Variants in KIZ observed in about 807,000 individuals in gnomAD.
KIZ encodes the protein centrosomal protein kizuna.
In KIZ, 68 loss-of-function variants were observed where a neutral mutation model predicts 79.6. The ratio of observed to expected loss-of-function variants is 0.85; its 90% CI spans 0.70 to 1.05. The LOEUF (loss-of-function observed/expected upper bound fraction) is 1.05, where lower values mean the gene tolerates loss of function less well. Ranked by LOEUF, KIZ falls within the 50% of genes least tolerant of loss-of-function variation. The pLI is 0.00. For synonymous variants in KIZ, 280 were observed against 281.8 expected, an observed-to-expected ratio of 0.99 and a Z score of 0.06; for missense variants, 797 against 800.4, an observed-to-expected ratio of 1.00 and a Z score of 0.05.
intron 4 of KIZ, among the ~76,000 whole-genome samples, chr20:21,150,596 C>T (rs932407989): frequency 6.6e-6 from 1 of 152,202 alleles, no homozygotes; most frequent in Non-Finnish European, 1.5e-5. Context: ...TAACTGATTT[C>T]TTATTTATAT....
intron 4 of KIZ, among the ~76,000 whole-genome samples, chr20:21,154,455 A>G (rs570129845): frequency 3.1e-4 from 47 of 152,294 alleles, no homozygotes; most frequent in Admixed American, 2.9e-3. Flanking sequence ...AGTCATGTTC[A>G]TGTGCTTTGC....
chr20:21,214,947 G>A (rs2036226106), intron 8 of KIZ, among the ~76,000 whole-genome samples: 1 of 152,060 alleles, frequency 6.6e-6, no homozygotes, highest in Admixed American at 6.6e-5. Flanking sequence ...TAAGTATGAA[G>A]AAGTTACGAA....
At chr20:21,225,140 G>C (rs1647983337) in intron 9 of KIZ, among the ~76,000 whole-genome samples, 2 of 152,148 alleles carry the variant, frequency 1.3e-5, no homozygotes, top group South Asian at 4.1e-4. Flanking sequence ...TCACCTTCTG[G>C]AGCTGTAGAC....
At chr20:21,224,248 G>A (rs1600589648) in intron 9 of KIZ, among the ~76,000 whole-genome samples, 1 of 152,288 alleles carries the variant, frequency 6.6e-6, no homozygotes, top group African/African-American at 2.4e-5. Flanking sequence ...CTAAGTGCTG[G>A]GATTACAGGC....
chr20:21,175,533 A>C, intron 6 of KIZ, among the ~76,000 whole-genome samples: 1 of 152,196 alleles, frequency 6.6e-6, no homozygotes, highest in East Asian at 1.9e-4. Context: ...GGCAGGAGTT[A>C]GATAGGAACT....
intron 11 of KIZ, among the ~76,000 whole-genome samples, chr20:21,233,126 A>G (rs573573081): frequency 1.3e-5 from 2 of 152,222 alleles, no homozygotes; most frequent in Non-Finnish European, 2.9e-5. Flanking sequence ...AGACCACACA[A>G]TGGAGGTTGT....
chr20:21,188,405 A>C (rs1483607208), intron 6 of KIZ, among the ~76,000 whole-genome samples: 2 of 152,208 alleles, frequency 1.3e-5, no homozygotes, highest in South Asian at 2.1e-4. Context: ...GAACTTCAGC[A>C]TAAAAATGGA....
intron 6 of KIZ, among the ~76,000 whole-genome samples, chr20:21,191,236 G>A (rs916797717): frequency 2.0e-5 from 3 of 152,192 alleles, no homozygotes; most frequent in Admixed American, 6.5e-5. Flanking sequence ...ATTATTGCAC[G>A]TGGAGTAAAA....
At chr20:21,217,444 T>C (rs920529934) in intron 9 of KIZ, among the ~76,000 whole-genome samples, 2 of 152,220 alleles carry the variant, frequency 1.3e-5, no homozygotes, top group African/African-American at 4.8e-5. Flanking sequence ...TGTCTGCCTC[T>C]TTATAATAGT....
At position 21,170,411 on chromosome 20, in the gene KIZ, C is replaced by T. The variant is rs1377693869; in HGVS notation, c.1352+7252C>T. On this transcript the variant is annotated intron_variant, in intron 6 of 12. Coordinates refer to ENST00000619189, the MANE Select transcript of KIZ (RefSeq NM_018474.6). The stretch of plus-strand genomic sequence containing the variant: ...TAGATCTTTTTTTTTTTTTTTGAGA[C>T]GGAGTCTCTCTCTGTCGCCCAGGCT... Among the ~76,000 whole-genome samples the T allele has an allele frequency of 1.3e-4, 19 of 144,746 alleles. 1 individual carries two copies. The South Asian group carries it at 3.3e-3, about 25-fold the overall frequency. 95.0% of individuals were successfully genotyped at this position (144,746 alleles called of 152,430 possible).
rs78133098 is a variant in KIZ at position 21,222,090 on chromosome 20, T to G, written c.1678+6442T>G. ...TGCCAGGGGTCAGCCTGCTGGGGCT[T>G]CACCCATGGAGCCTGCTGCCTGCTA... On this transcript the variant is annotated intron_variant, in intron 9 of 12. Transcript: ENST00000619189. Among the ~76,000 whole-genome samples, 1,415 of 152,356 alleles carry G rather than the reference T, an allele frequency of 9.3e-3. 26 individuals carry two copies. The highest frequency in any genetic ancestry group is 0.032 in the African/African-American group (1,350 of 41,588).
intron 6 of KIZ, among the ~76,000 whole-genome samples, chr20:21,165,895 T>A (rs2033907948): frequency 6.6e-6 from 1 of 152,202 alleles, no homozygotes; most frequent in South Asian, 2.1e-4. Flanking sequence ...GCCTCCTGGG[T>A]TCAAGCTATT....
At chr20:21,146,918 G>A (rs755213117) in intron 4 of KIZ, among the ~76,000 whole-genome samples, 4 of 152,084 alleles carry the variant, frequency 2.6e-5, no homozygotes, top group Non-Finnish European at 4.4e-5. Context: ...ATATAAAAAG[G>A]CTTTAATGAT....
At chr20:21,140,185 A>G (rs2032437273) in intron 3 of KIZ, among the ~76,000 whole-genome samples, 1 of 152,128 alleles carries the variant, frequency 6.6e-6, no homozygotes, top group African/African-American at 2.4e-5. Flanking sequence ...TGCCAGAACC[A>G]CTTGTCTCCT....
chr20:21,159,351 G>A (rs1465628227), intron 4 of KIZ, among the ~76,000 whole-genome samples: 4 of 151,806 alleles, frequency 2.6e-5, no homozygotes, highest in Non-Finnish European at 4.4e-5. Context: ...TTATTCATTT[G>A]TTCATTTTCT....
intron 9 of KIZ, among the ~76,000 whole-genome samples, chr20:21,220,378 T>C (rs375975918): frequency 6.1e-4 from 93 of 152,266 alleles, no homozygotes; most frequent in African/African-American, 2.2e-3. Flanking sequence ...CAAGGCCATG[T>C]AGCTGGTGTG....
At chr20:21,207,467 C>T (rs555990088) in intron 7 of KIZ, among the ~76,000 whole-genome samples, 1 of 99,296 alleles carries the variant, frequency 1.0e-5, no homozygotes, top group African/African-American at 4.5e-5. Context: ...CATCTTCGTA[C>T]CCCCCTCCCT....
chr20:21,171,740 C>T (rs774510497), intron 6 of KIZ, among the ~76,000 whole-genome samples: 4 of 152,214 alleles, frequency 2.6e-5, no homozygotes, highest in Non-Finnish European at 4.4e-5. Context: ...CCACCATGCC[C>T]GACCTTTTGC....
intron 6 of KIZ, among the ~76,000 whole-genome samples, chr20:21,189,384 C>T (rs2123010267): frequency 6.6e-6 from 1 of 152,254 alleles, no homozygotes; most frequent in Admixed American, 6.5e-5. Flanking sequence ...AGGATGTCTG[C>T]CACCATTACA....
Sources: allele counts gnomAD v4.1 joint callset (sites outside exome capture counted in the v4.1 genomes callset), GRCh38; gene constraint gnomAD v4.1.1; transcripts MANE v1.5; gene names NCBI Gene and HGNC (gene_info 2026-07-23, HGNC 2026-07-21).